The following AOPEP variants were observed in gnomAD, a reference collection of about 807,000 sequenced individuals.
AOPEP encodes the protein aminopeptidase O (putative), also known as aminopeptidase O.
AOPEP carries 77 observed loss-of-function variants against 98.1 expected under a neutral mutation model. That is an observed-to-expected ratio of 0.78 (90% CI 0.65 to 0.95). AOPEP has a LOEUF of 0.95. Among genes scored for constraint, AOPEP ranks in the 40% least tolerant of loss-of-function variants. The probability of loss-of-function intolerance (pLI) is 0.00; values close to 1 mark genes in which losing one functional copy is unlikely to be tolerated. For synonymous variants in AOPEP, 346 were observed against 365.3 expected, an observed-to-expected ratio of 0.95 and a Z score of 0.60; for missense variants, 1,024 against 1,024.7, an observed-to-expected ratio of 1.00 and a Z score of 0.01.
At chr9:94,895,187 A>G (rs1207233676) in intron 5 of AOPEP, among the ~76,000 whole-genome samples, 1 of 151,126 alleles carries the variant, frequency 6.6e-6, no homozygotes, top group Non-Finnish European at 1.5e-5. Context: ...TAGCCTGGGC[A>G]ACATAGCAAC....
chr9:94,840,732 A>G (rs371427046), intron 5 of AOPEP, among the ~76,000 whole-genome samples: 46 of 152,222 alleles, frequency 3.0e-4, no homozygotes, highest in African/African-American at 1.1e-3. Flanking sequence ...GGAAGTTTAT[A>G]GTATTCATGC....
At chr9:95,026,208 C>T (rs1299017315) in intron 13 of AOPEP, among the ~76,000 whole-genome samples, 2 of 152,142 alleles carry the variant, frequency 1.3e-5, no homozygotes, top group African/African-American at 4.8e-5. Context: ...TTTTTAACAA[C>T]TTTAAGGCGT....
chr9:94,836,082 TTGTGTGTG>T (rs10606112), intron 5 of AOPEP, among the ~76,000 whole-genome samples: 4 of 150,652 alleles, frequency 2.7e-5, no homozygotes, highest in East Asian at 3.9e-4. Context: ...TGTTTCCTGC[TTGTGTGTG>T]TGTGTGTGTG....
At chr9:94,966,945 G>A (rs1389145531) in intron 9 of AOPEP, among the ~76,000 whole-genome samples, 1 of 152,080 alleles carries the variant, frequency 6.6e-6, no homozygotes, top group Non-Finnish European at 1.5e-5. Flanking sequence ...TGTTTTAAGA[G>A]TAAATAAGAG....
chr9:95,097,861 T>C, the AOPEP span, among the ~76,000 whole-genome samples: 2 of 151,752 alleles, frequency 1.3e-5, no homozygotes, highest in East Asian at 1.9e-4. Flanking sequence ...GTACTTACTG[T>C]ATCTTAATTT....
intron 1 of AOPEP, among the ~76,000 whole-genome samples, chr9:94,745,231 T>C (rs1470390240): frequency 6.6e-6 from 1 of 152,128 alleles, no homozygotes; most frequent in Non-Finnish European, 1.5e-5. Context: ...CTACCTAGCC[T>C]CTGGAAACTA....
intron 1 of AOPEP, 74 bp from the exon 2 acceptor site, chr9:94,759,575 G>A (rs1837816006): frequency 3.7e-6 from 2 of 541,056 alleles, no homozygotes; most frequent in South Asian, 5.4e-5. Flanking sequence ...TGGTCAACTT[G>A]CAGGAGCAGC....
At chr9:94,981,132 T>C (rs754873774) in intron 11 of AOPEP, among the ~76,000 whole-genome samples, 1 of 152,186 alleles carries the variant, frequency 6.6e-6, no homozygotes, top group African/African-American at 2.4e-5. Context: ...CGCACTCCAC[T>C]TAGGCTGTGG....
In AOPEP at chr9:94,941,357, C is replaced by T. The variant is rs78052324; in HGVS notation, c.1661+12826C>T. On this transcript the variant is annotated intron_variant, in intron 7 of 16. Coordinates refer to ENST00000375315, the MANE Select transcript of AOPEP (RefSeq NM_001193329.3). ...GAATTCCTGCCCTACACCCCTCTAT[C>T]CCTCAGGCACGTGGGATTCCCCTAC... Among the ~76,000 whole-genome samples the T allele has an allele frequency of 8.5e-3, 1,300 of 152,368 alleles. 19 individuals are homozygous for T. Among genetic ancestry groups the T allele is most frequent in the African/African-American group, 0.03 (1,236 of 41,578 alleles).
At chr9:95,055,732 T>G (rs2133854035) in intron 13 of AOPEP, among the ~76,000 whole-genome samples, 1 of 152,304 alleles carries the variant, frequency 6.6e-6, no homozygotes, top group South Asian at 2.1e-4. Flanking sequence ...GTCAGTGGGA[T>G]CACCTTTTTA....
At chr9:95,015,918 T>C (rs1343215520) in intron 13 of AOPEP, among the ~76,000 whole-genome samples, 1 of 152,180 alleles carries the variant, frequency 6.6e-6, no homozygotes. Context: ...GCCAGGGTGG[T>C]CTCGAACTCC....
chr9:95,122,468 T>C, the AOPEP span, among the ~76,000 whole-genome samples: 4 of 152,138 alleles, frequency 2.6e-5, no homozygotes, highest in Admixed American at 6.5e-5. Flanking sequence ...TATGCAGGCA[T>C]TGGCAAAGCA....
intron 5 of AOPEP, among the ~76,000 whole-genome samples, chr9:94,844,847 G>C (rs1250684116): frequency 6.6e-6 from 1 of 152,166 alleles, no homozygotes; most frequent in African/African-American, 2.4e-5. Flanking sequence ...TGGGAGTGGG[G>C]TTCAGGTGGG....
chr9:94,792,715 C>A (rs756493407), intron 3 of AOPEP, 50 bp from the exon 4 acceptor site: 3 of 1,490,630 alleles, frequency 2.0e-6, no homozygotes, highest in South Asian at 2.7e-5. Context: ...TACAGCAGAG[C>A]CCAGGATCAT....
At chr9:95,095,431 G>GT in the AOPEP span, among the ~76,000 whole-genome samples, 1 of 152,184 alleles carries the variant, frequency 6.6e-6, no homozygotes, top group African/African-American at 2.4e-5. Flanking sequence ...CTGCCCGTGC[G>GT]TTTCGAGCTG....
rs143038140 is a variant in AOPEP at position 95,003,460 on chromosome 9, C to T, written c.1978-1698C>T. On this transcript the variant is annotated intron_variant, in intron 11 of 16. Coordinates refer to ENST00000375315, the MANE Select transcript of AOPEP (RefSeq NM_001193329.3). ...TCGTGAACTCCCAAGGAAAAAAATT[C>T]TAGTGGGTAAAAGGAAGTGCCTGCC... 1.1e-4 allele frequency among the ~76,000 whole-genome samples: 16 copies of T among 152,258 alleles called. No individual in the cohort carries two copies. The East Asian group carries it at 3.1e-3, about 29-fold the overall frequency.
In AOPEP at chr9:94,828,399, T is replaced by G. The variant is rs72746570; in HGVS notation, c.1364+27397T>G. Among the ~76,000 whole-genome samples, 802 of 152,322 alleles carry G rather than the reference T, an allele frequency of 5.3e-3. 11 individuals are homozygous for G. The highest frequency in any genetic ancestry group is 0.044 in the South Asian group (211 of 4,824). On this transcript the variant is annotated intron_variant, in intron 5 of 16. Transcript: ENST00000375315. ...GATCCATTTTAAGTTGATTTTTGTG[T>G]AAGGTGTGAGGAGGGGTGTTTTGCC...
At chr9:94,780,576 T>G (rs1442398813) in intron 3 of AOPEP, among the ~76,000 whole-genome samples, 1 of 152,174 alleles carries the variant, frequency 6.6e-6, no homozygotes, top group African/African-American at 2.4e-5. Flanking sequence ...CAGGAAACAG[T>G]ACTAATAAAG....
intron 13 of AOPEP, among the ~76,000 whole-genome samples, chr9:95,052,712 T>C (rs1052389875): frequency 6.6e-6 from 1 of 152,214 alleles, no homozygotes; most frequent in Non-Finnish European, 1.5e-5. Context: ...TGGAGTAATA[T>C]AGGAAGTTAT....
Sources: allele counts gnomAD v4.1 joint callset (sites outside exome capture counted in the v4.1 genomes callset), GRCh38; gene constraint gnomAD v4.1.1; transcripts MANE v1.5; gene names NCBI Gene and HGNC (gene_info 2026-07-23, HGNC 2026-07-21).